The following DENND1A variants were observed in gnomAD, a reference collection of about 807,000 sequenced individuals.
DENND1A encodes DENN domain containing 1A.
A neutral mutation model predicts 113.7 loss-of-function variants in DENND1A; 51 were observed. That is an observed-to-expected ratio of 0.45 (90% CI 0.36 to 0.57). The LOEUF (loss-of-function observed/expected upper bound fraction) is 0.57. Among genes scored for constraint, DENND1A ranks in the 20% least tolerant of loss-of-function variants. DENND1A has a pLI of 0.00. For synonymous variants in DENND1A, 565 were observed against 570.8 expected (o/e 0.99, Z 0.14); for missense variants, 1,258 against 1,395.9 (o/e 0.90, Z 1.57).
rs2063524573 is a variant in DENND1A at position 123,667,009 on chromosome 9, T to C, written c.507+17A>G. 1 of 1,574,088 alleles carries C rather than the reference T, an allele frequency of 6.4e-7. No homozygotes were observed. Among genetic ancestry groups the C allele is most frequent in the African/African-American group, 1.4e-5 (1 of 72,092 alleles). ...GAAGAATAAAAATTTAATTTTTTCT[T>C]CTTCCCAAGTACTTACATTCTCAGG... On this transcript the variant is annotated intron_variant, in intron 8 of 23. Coordinates refer to ENST00000394215, the MANE Select transcript of DENND1A (RefSeq NM_001352964.2).
intron 11 of DENND1A, among the ~76,000 whole-genome samples, chr9:123,588,633 A>AAGG (rs1554894950): frequency 2.1e-4 from 18 of 86,462 alleles, no homozygotes; most frequent in African/African-American, 6.4e-4. Flanking sequence ...AAAAAAAAAA[A>AAGG]GGGGGGGGGG....
At chr9:123,891,401 G>C (rs749952793) in intron 1 of DENND1A, among the ~76,000 whole-genome samples, 2 of 152,158 alleles carry the variant, frequency 1.3e-5, no homozygotes, top group African/African-American at 4.8e-5. Flanking sequence ...AGATTCCCAG[G>C]TTCTACCACT....
At chr9:123,718,698 A>G (rs1262883812) in intron 5 of DENND1A, among the ~76,000 whole-genome samples, 1 of 152,228 alleles carries the variant, frequency 6.6e-6, no homozygotes, top group Non-Finnish European at 1.5e-5. Flanking sequence ...ATTAAGACTC[A>G]TCAAAATTTG....
Position 123,382,624 on chromosome 9 carries a change from C to A in DENND1A, c.2021G>T (p.Arg674Met), listed in dbSNP as rs1198066099. The change falls in exon 24 of 24, where the codon AGG becomes ATG. Residue 674 changes from arginine (R) to methionine (M), a missense_variant and splice_region_variant. Arg to Met is a moderately conservative substitution (Grantham distance 91). This residue lies in a region of DENND1A where 1,159 missense variants were observed against 1,231.7 expected (regional missense o/e 0.94). Transcript: ENST00000394215. ...CCTCTCACTCCCGCCCAGATCCAGC[C>A]TCTGTTGGGAGGGAAGGAGGGCGGC... is the stretch of plus-strand genomic sequence containing the variant. ...REQPGTFDYQRLDLGGSERSR... is the reference protein window; with the variant it reads ...REQPGTFDYQMLDLGGSERSR... The A allele has an allele frequency of 6.2e-7, 1 of 1,613,910 alleles. No homozygotes were observed. Among genetic ancestry groups the A allele is most frequent in the Non-Finnish European group, 8.5e-7 (1 of 1,179,924 alleles).
At chr9:123,572,113 G>T (rs939783118) in intron 12 of DENND1A, among the ~76,000 whole-genome samples, 2 of 152,090 alleles carry the variant, frequency 1.3e-5, no homozygotes, top group Non-Finnish European at 2.9e-5. Context: ...AGATACAGAC[G>T]GTCCATCATC....
intron 2 of DENND1A, among the ~76,000 whole-genome samples, chr9:123,860,860 A>C (rs1590416052): frequency 1.3e-5 from 2 of 152,248 alleles, no homozygotes; most frequent in South Asian, 4.1e-4. Flanking sequence ...GCATATTGTG[A>C]AATCTCAAGA....
chr9:123,798,725 C>CAAAA (rs59256751), intron 2 of DENND1A, among the ~76,000 whole-genome samples: 2 of 70,036 alleles, frequency 2.9e-5, no homozygotes, highest in Non-Finnish European at 6.4e-5. Context: ...GTGCTGGAGG[C>CAAAA]AAAAAAAAAA....
chr9:123,447,781 G>A (rs1336688532), intron 18 of DENND1A, among the ~76,000 whole-genome samples: 1 of 149,028 alleles, frequency 6.7e-6, no homozygotes, highest in Non-Finnish European at 1.5e-5. Context: ...GAGGGAAAGG[G>A]GAGAAGGACA....
intron 13 of DENND1A, among the ~76,000 whole-genome samples, chr9:123,551,770 G>A (rs934515938): frequency 1.3e-5 from 2 of 152,102 alleles, no homozygotes; most frequent in African/African-American, 2.4e-5. Flanking sequence ...CATCACCAGG[G>A]AGCCAACACT....
chr9:123,670,464 T>C (rs556568566), intron 7 of DENND1A, among the ~76,000 whole-genome samples: 1 of 152,350 alleles, frequency 6.6e-6, no homozygotes, highest in East Asian at 1.9e-4. Context: ...TCTGATGCCT[T>C]ATCTGACAGA....
chr9:123,454,106 C>T (rs1017682248), intron 16 of DENND1A, among the ~76,000 whole-genome samples: 3 of 152,216 alleles, frequency 2.0e-5, no homozygotes, highest in Non-Finnish European at 2.9e-5. Flanking sequence ...TTGCCTGCTT[C>T]GTGCCCGCCT....
At chr9:123,701,959 G>T (rs758272308) in intron 5 of DENND1A, among the ~76,000 whole-genome samples, 3 of 152,146 alleles carry the variant, frequency 2.0e-5, no homozygotes, top group African/African-American at 7.2e-5. Flanking sequence ...ACAAAATGAG[G>T]TACTAGTGAC....
In DENND1A at chr9:123,381,676, G is replaced by A. The variant is rs1668568217; in HGVS notation, c.2969C>T (p.Ser990Leu). 1.3e-6 allele frequency: 2 copies of A among 1,592,222 alleles called. No homozygotes were observed. Among genetic ancestry groups the A allele is most frequent in the African/African-American group, 2.7e-5 (2 of 74,292 alleles). Reference protein sequence around the residue: ...SRIRTLPLARSSARAAETKQG... With the variant: ...SRIRTLPLARLSARAAETKQG... Reference sequence around the variant, plus strand: ...CTTGGTCTCAGCAGCCCTGGCACTTGAGCGGGCCAGGGGCAACGTTCGGAT... The same window carrying A: ...CTTGGTCTCAGCAGCCCTGGCACTTAAGCGGGCCAGGGGCAACGTTCGGAT... The change falls in exon 24 of 24, where the codon TCA becomes TTA. Residue 990 changes from serine to leucine, a missense_variant. Transcript: ENST00000394215. This position sits in a 1 kb window ranked among gnomAD's most constrained non-coding sequence, Gnocchi z 4.7.
intron 9 of DENND1A, among the ~76,000 whole-genome samples, chr9:123,630,767 G>C (rs779930601): frequency 6.6e-6 from 1 of 152,084 alleles, no homozygotes; most frequent in African/African-American, 2.4e-5. Context: ...AACATTGTAG[G>C]TTATTACACA....
chr9:123,666,685 T>G (rs1166873788), intron 8 of DENND1A, among the ~76,000 whole-genome samples: 2 of 152,130 alleles, frequency 1.3e-5, no homozygotes, highest in African/African-American at 4.8e-5. Flanking sequence ...GTCATATGAA[T>G]GAAAATGGAA....
At chr9:123,467,218 T>C (rs1361629144) in intron 13 of DENND1A, among the ~76,000 whole-genome samples, 1 of 152,220 alleles carries the variant, frequency 6.6e-6, no homozygotes, top group Non-Finnish European at 1.5e-5. Flanking sequence ...TCCTGCTGAA[T>C]GTCCCCACAT....
rs2045349856 is a variant in DENND1A at position 123,422,029 on chromosome 9, T to C, written c.1489-10200A>G. Among the ~76,000 whole-genome samples, 1 of 152,142 alleles carries C rather than the reference T, an allele frequency of 6.6e-6. No individual in the cohort carries two copies. Among genetic ancestry groups the C allele is most frequent in the Non-Finnish European group, 1.5e-5 (1 of 68,024 alleles). On this transcript the variant is annotated intron_variant, in intron 19 of 23. Transcript: ENST00000394215. The surrounding 1 kb of genome is among the most constrained non-coding windows in gnomAD (Gnocchi z 4.8). The stretch of plus-strand genomic sequence containing the variant: ...ATCCCTGCATCCCTCACGACTCTGT[T>C]CCCTTCCCCCAGAAGTTCTCTCTCT...
chr9:123,840,937 A>G (rs533833062), intron 2 of DENND1A, among the ~76,000 whole-genome samples: 49 of 152,318 alleles, frequency 3.2e-4, no homozygotes, highest in African/African-American at 1.1e-3. Flanking sequence ...TAGCATGCAG[A>G]ATGTTAAGTG....
At chr9:123,515,567 T>C (rs1239378341) in intron 13 of DENND1A, among the ~76,000 whole-genome samples, 2 of 152,302 alleles carry the variant, frequency 1.3e-5, no homozygotes, top group African/African-American at 2.4e-5. Context: ...AGGTGAAGGG[T>C]AAATGGGTAT....
Sources: allele counts gnomAD v4.1 joint callset (sites outside exome capture counted in the v4.1 genomes callset), GRCh38; gene constraint gnomAD v4.1.1; regional missense constraint gnomAD v4.1.1; non-coding constraint Gnocchi (gnomAD v3.1); transcripts MANE v1.5; gene names NCBI Gene and HGNC (gene_info 2026-07-23, HGNC 2026-07-21).